PCCA: variants seen among roughly 807,000 people sequenced by gnomAD.
PCCA encodes the protein propionyl-CoA carboxylase alpha chain, mitochondrial.
In PCCA, 74 loss-of-function variants were observed where a neutral mutation model predicts 101.3. The ratio of observed to expected loss-of-function variants is 0.73; its 90% CI spans 0.61 to 0.89. PCCA has a LOEUF of 0.89. Among genes scored for constraint, PCCA ranks in the 40% least tolerant of loss-of-function variants. The probability of loss-of-function intolerance (pLI) is 0.00; values close to 1 mark genes in which losing one functional copy is unlikely to be tolerated. For synonymous variants in PCCA, 294 were observed against 313.6 expected, an observed-to-expected ratio of 0.94 and a Z score of 0.66; for missense variants, 891 against 907.0, an observed-to-expected ratio of 0.98 and a Z score of 0.23.
At chr13:100,452,700 T>C (rs1482186471) in intron 21 of PCCA, among the ~76,000 whole-genome samples, 1 of 152,188 alleles carries the variant, frequency 6.6e-6, no homozygotes, top group Non-Finnish European at 1.5e-5. Context: ...GCAATTTTCC[T>C]TTTTTGATGT....
intron 21 of PCCA, among the ~76,000 whole-genome samples, chr13:100,470,243 A>G (rs2082892723): frequency 6.8e-6 from 1 of 147,814 alleles, no homozygotes; most frequent in Non-Finnish European, 1.5e-5. Context: ...GTGAAGTGGA[A>G]GCGTGTGTTT....
intron 12 of PCCA, among the ~76,000 whole-genome samples, chr13:100,286,110 C>A (rs377280256): frequency 6.6e-6 from 1 of 152,162 alleles, no homozygotes; most frequent in Admixed American, 6.5e-5. Context: ...CCATTAACTA[C>A]GCTGCCTCAT....
At chr13:100,309,604 A>G (rs2066745311) in intron 15 of PCCA, among the ~76,000 whole-genome samples, 1 of 151,900 alleles carries the variant, frequency 6.6e-6, no homozygotes, top group African/African-American at 2.4e-5. Context: ...TTGTAAAATC[A>G]CTCTTTACTA....
At chr13:100,502,762 A>C (rs1278708598) in intron 21 of PCCA, among the ~76,000 whole-genome samples, 1 of 152,226 alleles carries the variant, frequency 6.6e-6, no homozygotes, top group South Asian at 2.1e-4. Flanking sequence ...AAGGACAGGG[A>C]TTTAGGGAAA....
chr13:100,410,038 G>A (rs932744373), intron 19 of PCCA, among the ~76,000 whole-genome samples: 1 of 152,056 alleles, frequency 6.6e-6, no homozygotes, highest in African/African-American at 2.4e-5. Context: ...GGGATTACAG[G>A]CGTGAGCAAC....
rs1324561465 is a variant in PCCA, at chr13:100,488,811, TAA to T, written c.1900-26614_1900-26613del. ...GCAGAGCGAGACCCTCCCTCACAAATAAAGTTAGTGGAAAGTGCTATAGTAAA... is the reference window on the plus strand; with the variant it reads ...GCAGAGCGAGACCCTCCCTCACAAATAGTTAGTGGAAAGTGCTATAGTAAA... On this transcript the variant is annotated intron_variant, in intron 21 of 23. Coordinates refer to ENST00000376285, the MANE Select transcript of PCCA (RefSeq NM_000282.4). Among the ~76,000 whole-genome samples, 22 of 151,576 alleles carry T rather than the reference TAA, an allele frequency of 1.5e-4. 1 individual carries two copies. The highest frequency in any genetic ancestry group is 1.4e-3 in the Admixed American group (21 of 15,226).
chr13:100,243,191 T>A (rs990960162), intron 8 of PCCA, among the ~76,000 whole-genome samples: 1 of 152,234 alleles, frequency 6.6e-6, no homozygotes, highest in African/African-American at 2.4e-5. Context: ...CCACCACATC[T>A]GGCTGGTTAC....
intron 1 of PCCA, among the ~76,000 whole-genome samples, chr13:100,096,901 A>C (rs1180587398): frequency 6.6e-6 from 1 of 152,222 alleles, no homozygotes; most frequent in African/African-American, 2.4e-5. Context: ...TTAAGAAAAG[A>C]AGTGAGGCCG....
intron 19 of PCCA, among the ~76,000 whole-genome samples, chr13:100,379,905 T>G (rs575906324): frequency 2.0e-5 from 3 of 152,124 alleles, no homozygotes; most frequent in Non-Finnish European, 4.4e-5. Context: ...AATTCCCAAA[T>G]TAGTCTAAAG....
intron 21 of PCCA, among the ~76,000 whole-genome samples, chr13:100,453,606 A>C (rs2081495548): frequency 6.6e-6 from 1 of 152,140 alleles, no homozygotes; most frequent in Admixed American, 6.5e-5. Context: ...AGGTCACTTG[A>C]CTTCCCCAAG....
chr13:100,382,560 G>A (rs1287660011), intron 19 of PCCA, among the ~76,000 whole-genome samples: 2 of 152,102 alleles, frequency 1.3e-5, no homozygotes, highest in Non-Finnish European at 2.9e-5. Context: ...TCTGCCTCCT[G>A]TCTCTATCAT....
intron 21 of PCCA, chr13:100,466,337 A>G (rs1255535205): frequency 6.6e-6 from 1 of 152,224 alleles, no homozygotes; most frequent in Non-Finnish European, 1.5e-5. Context: ...GCAAGGAAGT[A>G]TATGGCAGGA....
chr13:100,264,333 A>G (rs1047502210), intron 10 of PCCA, among the ~76,000 whole-genome samples: 2 of 152,074 alleles, frequency 1.3e-5, no homozygotes, highest in African/African-American at 4.8e-5. Flanking sequence ...GACAATTTCT[A>G]TACACACACA....
chr13:100,185,417 A>G (rs193165945), intron 6 of PCCA, among the ~76,000 whole-genome samples: 1 of 150,150 alleles, frequency 6.7e-6, no homozygotes, highest in Admixed American at 6.6e-5. Flanking sequence ...TGGTATGATC[A>G]TGGCTCACTG....
At chr13:100,153,905 T>G (rs998727101) in intron 4 of PCCA, among the ~76,000 whole-genome samples, 6 of 152,258 alleles carry the variant, frequency 3.9e-5, no homozygotes, top group African/African-American at 1.2e-4. Context: ...AAATATTTAT[T>G]GAATTGACAA....
intron 20 of PCCA, among the ~76,000 whole-genome samples, chr13:100,426,363 A>G (rs752274282): frequency 1.1e-4 from 16 of 152,126 alleles, no homozygotes; most frequent in Non-Finnish European, 2.2e-4. Flanking sequence ...TTTTAGGAAA[A>G]AAAAAAAAAT....
chr13:100,203,134 C>T (rs531433292), intron 6 of PCCA, among the ~76,000 whole-genome samples: 5 of 151,852 alleles, frequency 3.3e-5, no homozygotes, highest in Admixed American at 6.6e-5. Flanking sequence ...ATTAGCCGGG[C>T]GTGGTGGTGC....
chr13:100,315,268 T>A (rs1159664778), intron 16 of PCCA, among the ~76,000 whole-genome samples: 2 of 151,844 alleles, frequency 1.3e-5, no homozygotes, highest in South Asian at 2.1e-4. Flanking sequence ...TTTGAAATAA[T>A]TTCAAAATTT....
At chr13:100,312,967 A>T (rs1328067295) in intron 16 of PCCA, among the ~76,000 whole-genome samples, 1 of 152,232 alleles carries the variant, frequency 6.6e-6, no homozygotes, top group African/African-American at 2.4e-5. Context: ...CATTTCTCTT[A>T]GACTTTTTAA....
Sources: allele counts gnomAD v4.1 joint callset (sites outside exome capture counted in the v4.1 genomes callset), GRCh38; gene constraint gnomAD v4.1.1; transcripts MANE v1.5; gene names NCBI Gene and HGNC (gene_info 2026-07-23, HGNC 2026-07-21).